NEURL4: variants seen among roughly 807,000 people sequenced by gnomAD.
NEURL4 encodes neuralized E3 ubiquitin protein ligase 4.
Under a neutral mutation model 148.0 loss-of-function variants are expected in NEURL4, and 45 were observed. That is an observed-to-expected ratio of 0.30 (90% confidence interval 0.24 to 0.39). The LOEUF (loss-of-function observed/expected upper bound fraction) is 0.39. NEURL4 is among the 10% of genes least tolerant of loss of function. The pLI, the probability that NEURL4 is intolerant of heterozygous loss-of-function variation, is 1.00. For synonymous variants in NEURL4, 854 were observed against 869.0 expected, an observed-to-expected ratio of 0.98 and a Z score of 0.30; for missense variants, 1,776 against 2,144.0, an observed-to-expected ratio of 0.83 and a Z score of 3.39.
rs2143012585 is a variant in NEURL4 at position 7,322,676 on chromosome 17, A to G, written c.2725+59T>C. 1 of 1,581,830 alleles carries G rather than the reference A, an allele frequency of 6.3e-7. No individual in the cohort carries two copies. The highest frequency in any genetic ancestry group is 1.1e-5 in the South Asian group (1 of 90,230). ...AGAACCTCTCTAACCTGGAAACCCT[A>G]CTCCTCAGGTGCACAGCAGGCAAGC... On this transcript the variant is annotated intron_variant, in intron 16 of 28. Transcript: ENST00000399464. The surrounding 1 kb of genome is among the most constrained non-coding windows in gnomAD (Gnocchi z 5.5).
chr17:7,317,642 G>A, intron 26 of NEURL4, 69 bp from the exon 27 acceptor site: 1 of 1,569,500 alleles, frequency 6.4e-7, no homozygotes. Flanking sequence ...GCTTCACGAG[G>A]CTCTTCCTTA....
chr17:7,328,327 G>A (rs1159843453), intron 1 of NEURL4, among the ~76,000 whole-genome samples: 1 of 152,140 alleles, frequency 6.6e-6, no homozygotes, highest in African/African-American at 2.4e-5. Context: ...CCTCTTCACT[G>A]AATCACACAC....
At chr17:7,317,708 T>A in intron 26 of NEURL4, 80 bp downstream of exon 26, 1 of 1,586,030 alleles carries the variant, frequency 6.3e-7, no homozygotes, top group Non-Finnish European at 8.6e-7. Flanking sequence ...TTCTATTACT[T>A]CTTCCATGCA....
At position 7,322,902 on chromosome 17, in the gene NEURL4, C is replaced by T. The variant is rs1383877538; in HGVS notation, c.2594-36G>A. The T allele has an allele frequency of 6.8e-6, 11 of 1,610,822 alleles. No homozygotes were observed. The highest frequency in any genetic ancestry group is 9.3e-6 in the Non-Finnish European group (11 of 1,177,240). ...GAGGGAAGGTCAGAAGCCTGACAGCCAGGTGGTCTGGGCTGAGGGTGGCAG... is the reference window on the plus strand; with the variant it reads ...GAGGGAAGGTCAGAAGCCTGACAGCTAGGTGGTCTGGGCTGAGGGTGGCAG... On this transcript the variant is annotated intron_variant, in intron 15 of 28. Transcript: ENST00000399464. This position sits in a 1 kb window ranked among gnomAD's most constrained non-coding sequence, Gnocchi z 5.5.
chr17:7,318,182 C>G lies in NEURL4; in HGVS notation c.3953-10G>C, dbSNP rs754429464. 2.5e-6 allele frequency: 4 copies of G among 1,612,958 alleles called. No homozygotes were observed. In the African/African-American group the frequency reaches 5.3e-5, roughly 22 times the overall value. ...ACACTCTCTTTGATACCTGAGGGAG[C>G]AGAGGGGCACAGGTCACAGGAGCTG... On this transcript the variant is annotated splice_polypyrimidine_tract_variant and intron_variant, in intron 24 of 28. Coordinates refer to ENST00000399464, the MANE Select transcript of NEURL4 (RefSeq NM_032442.3). This position sits in a 1 kb window ranked among gnomAD's most constrained non-coding sequence, Gnocchi z 4.3.
chr17:7,328,200 T>C (rs1285955276), intron 1 of NEURL4, among the ~76,000 whole-genome samples: 1 of 152,184 alleles, frequency 6.6e-6, no homozygotes, highest in East Asian at 1.9e-4. Context: ...CTACTTCCTA[T>C]ACCCACACCT....
Position 7,319,498 on chromosome 17 carries a change from T to G in NEURL4, c.3526-290A>C, listed in dbSNP as rs530517921. ...GGTGGATCACCTGAGGTCAGGAGTT[T>G]GAGACCAGCCTGACCAACATGGTGA... On this transcript the variant is annotated intron_variant, in intron 21 of 28. Transcript: ENST00000399464. 1.3e-3 allele frequency among the ~76,000 whole-genome samples: 192 copies of G among 149,392 alleles called. 1 individual carries two copies. Among genetic ancestry groups the G allele is most frequent in the South Asian group, 8.7e-3 (41 of 4,736 alleles).
chr17:7,326,121 G>A lies in NEURL4; in HGVS notation c.1293+134C>T. 2.4e-6 allele frequency: 2 copies of A among 816,414 alleles called. No homozygotes were observed. Among genetic ancestry groups the A allele is most frequent in the Non-Finnish European group, 4.0e-6 (2 of 502,146 alleles). 50.6% of individuals were successfully genotyped at this position (816,414 alleles called of 1,614,324 possible). ...ACTCTTGGGCAACTCAGGCTTCTAG[G>A]AAGGAACCTTTAGGTGGAAGATACA... On this transcript the variant is annotated intron_variant, in intron 6 of 28. Transcript: ENST00000399464. The surrounding 1 kb of genome is among the most constrained non-coding windows in gnomAD (Gnocchi z 6.0).
chr17:7,320,681 A>G (rs943956958), intron 21 of NEURL4, 78 bp downstream of exon 21: 8 of 1,375,768 alleles, frequency 5.8e-6, no homozygotes, highest in Non-Finnish European at 7.0e-6. Flanking sequence ...TCTCCACACA[A>G]AAAGGCCTTT....
At chr17:7,325,020 C>G (rs76384764) in intron 8 of NEURL4, 40 bp from the exon 9 acceptor site, 3 of 1,607,336 alleles carry the variant, frequency 1.9e-6, no homozygotes, top group African/African-American at 1.3e-5. Context: ...CCCCAACACA[C>G]GCTCTCAATG....
Position 7,319,726 on chromosome 17 carries a change from A to AAAAAAAAAC in NEURL4, c.3526-519_3526-518insGTTTTTTTT, listed in dbSNP as rs1555539174. 2.0e-3 allele frequency among the ~76,000 whole-genome samples: 232 copies of AAAAAAAAAC among 115,620 alleles called. 7 individuals are homozygous for AAAAAAAAAC. Among genetic ancestry groups the AAAAAAAAAC allele is most frequent in the Non-Finnish European group, 2.4e-3 (145 of 60,560 alleles). The allele number at this position is 115,620 out of a possible 152,430, so 75.9% of individuals were successfully genotyped here. ...AAAAAAAACAAAAAAACAAAAAAACAAAAAAAAAACATGCTGTTTGAGCCT... is the reference window on the plus strand; with the variant it reads ...AAAAAAAACAAAAAAACAAAAAAACAAAAAAAAACAAAAAAAAACATGCTGTTTGAGCCT... On this transcript the variant is annotated intron_variant, in intron 21 of 28. Coordinates refer to ENST00000399464, the MANE Select transcript of NEURL4 (RefSeq NM_032442.3).
Position 7,318,505 on chromosome 17 carries a change from T to A in NEURL4, c.3854A>T (p.Gln1285Leu), listed in dbSNP as rs747943314. 2 of 1,608,070 alleles carry A rather than the reference T, an allele frequency of 1.2e-6. No individual in the cohort carries two copies. Among genetic ancestry groups the A allele is most frequent in the Non-Finnish European group, 1.7e-6 (2 of 1,176,368 alleles). The change falls in exon 23 of 29, where the codon CAG becomes CTG. Residue 1285 changes from glutamine to leucine, a missense_variant. By Grantham distance (113) the Gln-to-Leu change is moderately radical. Transcript: ENST00000399464. This position sits in a 1 kb window ranked among gnomAD's most constrained non-coding sequence, Gnocchi z 4.3. ...PCHALVDLYG[Q>L]CEQVTIVNPE... ...CCCACTGCCACTAACCTGCTCACAC[T>A]GCCCATAGAGGTCCACAAGCGCATG...
intron 1 of NEURL4, among the ~76,000 whole-genome samples, chr17:7,328,326 T>C (rs2073129224): frequency 6.6e-6 from 1 of 152,236 alleles, no homozygotes; most frequent in Non-Finnish European, 1.5e-5. Context: ...GCCTCTTCAC[T>C]GAATCACACA....
At position 7,316,291 on chromosome 17, in the gene NEURL4, A is replaced by G; in HGVS notation, c.4521T>C (p.Ala1507=). 1 of 1,613,154 alleles carries G rather than the reference A, an allele frequency of 6.2e-7. No homozygotes were observed. The highest frequency in any genetic ancestry group is 8.5e-7 in the Non-Finnish European group (1 of 1,179,990). ...GCACACACACCTGGAACGCCACCTG[A>G]GCCTGGTGCGTCCGCTGGGATTTGG... ...RDPKSQRTHQ[A]QVAFQVCVRP... The change falls in exon 29 of 29, where the codon GCT becomes GCC. Residue 1507 remains alanine, a synonymous_variant. Coordinates refer to ENST00000399464, the MANE Select transcript of NEURL4 (RefSeq NM_032442.3).
At position 7,318,248 on chromosome 17, in the gene NEURL4, G is replaced by A; in HGVS notation, c.3952+21C>T. The A allele has an allele frequency of 6.2e-7, 1 of 1,613,130 alleles. No individual in the cohort carries two copies. Among genetic ancestry groups the A allele is most frequent in the Middle Eastern group, 1.6e-4 (1 of 6,062 alleles). On this transcript the variant is annotated intron_variant, in intron 24 of 28. Transcript: ENST00000399464. This position sits in a 1 kb window ranked among gnomAD's most constrained non-coding sequence, Gnocchi z 4.3. ...GGTGGGGGAGTAGGGGCAGGAGCTG[G>A]GTCCCTTTGGGCTGGCACACCGTCC...
rs778697155 is a variant in NEURL4, at chr17:7,320,929, G to A, written c.3361-6C>T. On this transcript the variant is annotated splice_region_variant and splice_polypyrimidine_tract_variant and intron_variant, in intron 20 of 28. Coordinates refer to ENST00000399464, the MANE Select transcript of NEURL4 (RefSeq NM_032442.3). ...ATACCCACTTCATTCTGGCCCTGGT[G>A]TGGAGGAAGGGACTGAGCTGCATGG... The A allele has an allele frequency of 1.2e-6, 2 of 1,613,850 alleles. No homozygotes were observed. Among genetic ancestry groups the A allele is most frequent in the Non-Finnish European group, 1.7e-6 (2 of 1,179,894 alleles).
At chr17:7,325,144 T>TGGGGGGGGGGGGGGCG in intron 8 of NEURL4, 65 bp downstream of exon 8, 1 of 956,488 alleles carries the variant, frequency 1.0e-6, no homozygotes, top group Non-Finnish European at 1.5e-6. Context: ...TCCACTTCCT[T>TGGGGGGGGGGGGGGCG]GCCCCGCCCC....
Position 7,318,503 on chromosome 17 carries a change from A to G in NEURL4, c.3856T>C (p.Cys1286Arg). ...CCCCCACTGCCACTAACCTGCTCAC[A>G]CTGCCCATAGAGGTCCACAAGCGCA... ...CHALVDLYGQ[C>R]EQVTIVNPEP... The change falls in exon 23 of 29, where the codon TGT (cysteine) becomes CGT (arginine). Residue 1286 changes from cysteine (C) to arginine (R), a missense_variant. Cys to Arg is a radical substitution (Grantham distance 180). Coordinates refer to ENST00000399464, the MANE Select transcript of NEURL4 (RefSeq NM_032442.3). The surrounding 1 kb of genome is among the most constrained non-coding windows in gnomAD (Gnocchi z 4.3). The G allele has an allele frequency of 6.2e-7, 1 of 1,607,424 alleles. No individual in the cohort carries two copies. The highest frequency in any genetic ancestry group is 8.5e-7 in the Non-Finnish European group (1 of 1,175,960).
intron 1 of NEURL4, among the ~76,000 whole-genome samples, chr17:7,328,440 A>G (rs936283826): frequency 6.6e-6 from 1 of 150,968 alleles, no homozygotes; most frequent in Admixed American, 6.6e-5. Context: ...CACTCACTCT[A>G]TTGCCCAGGC....
Sources: allele counts gnomAD v4.1 joint callset (sites outside exome capture counted in the v4.1 genomes callset), GRCh38; gene constraint gnomAD v4.1.1; non-coding constraint Gnocchi (gnomAD v3.1); transcripts MANE v1.5; gene names NCBI Gene and HGNC (gene_info 2026-07-23, HGNC 2026-07-21).